Variants in FAM163A observed in about 807,000 individuals in gnomAD.
The protein encoded by FAM163A is family with sequence similarity 163 member A.
FAM163A carries 7 observed loss-of-function variants against 12.0 expected under a neutral mutation model. The observed-to-expected ratio is 0.58, with a 90% CI of 0.33 to 1.10. The LOEUF (loss-of-function observed/expected upper bound fraction) is 1.10. Among genes scored for constraint, FAM163A ranks in the 50% least tolerant of loss-of-function variants. FAM163A has a pLI of 0.03. For missense variants in FAM163A, 202 were observed against 218.6 expected, an observed-to-expected ratio of 0.92 and a Z score of 0.48; for synonymous variants, 101 against 91.0, an observed-to-expected ratio of 1.11 and a Z score of -0.62.
At position 179,813,799 on chromosome 1, in the gene FAM163A, C is replaced by A. The variant is rs778086353; in HGVS notation, c.114C>A (p.Ser38Arg). 11 of 1,613,840 alleles carry A rather than the reference C, an allele frequency of 6.8e-6. No individual in the cohort carries two copies. The South Asian group carries it at 1.2e-4, about 18-fold the overall frequency. The change falls in exon 5 of 5, where the codon AGC becomes AGA. Residue 38 changes from serine to arginine, a missense_variant. Physicochemically the swap from Ser to Arg is moderately radical, Grantham distance 110. Coordinates refer to ENST00000341785, the MANE Select transcript of FAM163A (RefSeq NM_173509.3). ...CACAGTATTACTGCTGCAAGAAGAG[C>A]GGAACCGAGGTTGCAGACGAGGAGG... ...CRLQYYCCKKSGTEVADEEEE... is the reference protein window; with the variant it reads ...CRLQYYCCKKRGTEVADEEEE...
At chr1:179,740,024 G>A (rs1053789477), upstream of FAM163A, among the ~76,000 whole-genome samples, 3 of 152,210 alleles carry the variant, frequency 2.0e-5, no homozygotes, top group African/African-American at 7.2e-5. Flanking sequence ...AACTAAGCAT[G>A]TGACTACCAT....
At chr1:179,803,047 T>C (rs1571560135) in intron 1 of FAM163A, among the ~76,000 whole-genome samples, 1 of 152,136 alleles carries the variant, frequency 6.6e-6, no homozygotes, top group East Asian at 1.9e-4. Flanking sequence ...GGGTCAGGAC[T>C]TTGTAATGGG....
At chr1:179,768,357 C>A (rs527745218) in intron 1 of FAM163A, among the ~76,000 whole-genome samples, 1 of 152,294 alleles carries the variant, frequency 6.6e-6, no homozygotes, top group South Asian at 2.1e-4. Flanking sequence ...ATAAGTGTGG[C>A]AATAATTGCT....
Position 179,763,202 on chromosome 1 carries a change from T to C in FAM163A, c.-136+19779T>C, listed in dbSNP as rs1687047103. ...CTCCATTAGTAAGACCTTCTCGTGA[T>C]TTAGCCATGCTTCTCTTCCTGCTAC... is the stretch of plus-strand genomic sequence containing the variant. On this transcript the variant is annotated intron_variant, in intron 1 of 4. Transcript: ENST00000341785. Among the ~76,000 whole-genome samples, 3 of 152,220 alleles carry C rather than the reference T, an allele frequency of 2.0e-5. No homozygotes were observed. The South Asian group carries it at 6.2e-4, about 32-fold the overall frequency.
At chr1:179,807,506 C>A (rs116666049) in intron 1 of FAM163A, among the ~76,000 whole-genome samples, 5,414 of 152,294 alleles carry the variant, frequency 0.036, 125 homozygotes, top group African/African-American at 0.058. Context: ...CTCGCCGTCA[C>A]CTCCCAGACA....
At chr1:179,755,640 G>GA (rs1685916920) in intron 1 of FAM163A, among the ~76,000 whole-genome samples, 1 of 152,174 alleles carries the variant, frequency 6.6e-6, no homozygotes, top group African/African-American at 2.4e-5. Context: ...TCTAATTCAG[G>GA]AAAACAGAAT....
intron 1 of FAM163A, among the ~76,000 whole-genome samples, chr1:179,764,657 G>C (rs1278825591): frequency 6.6e-6 from 1 of 152,178 alleles, no homozygotes; most frequent in East Asian, 1.9e-4. Flanking sequence ...TCGCCCTAGA[G>C]GTATGTAACT....
chr1:179,766,778 G>C (rs554101061), intron 1 of FAM163A, among the ~76,000 whole-genome samples: 1 of 150,202 alleles, frequency 6.7e-6, no homozygotes, highest in Non-Finnish European at 1.5e-5. Context: ...GTTTGGAGAC[G>C]TAGTTTTACT....
At chr1:179,795,958 C>CTATTATTAT (rs56872344) in intron 1 of FAM163A, among the ~76,000 whole-genome samples, 1,653 of 146,378 alleles carry the variant, frequency 0.011, 34 homozygotes, top group African/African-American at 0.04. Flanking sequence ...GAGTCTTTCT[C>CTATTATTAT]TATTATTATT....
At chr1:179,740,172 T>TTTG (rs58589037), upstream of FAM163A, among the ~76,000 whole-genome samples, 188 of 151,034 alleles carry the variant, frequency 1.2e-3, 1 homozygote, top group East Asian at 0.015. Flanking sequence ...TTATTTGGTT[T>TTTG]TTGTTGTTGT....
chr1:179,766,130 G>C (rs953708859), intron 1 of FAM163A, among the ~76,000 whole-genome samples: 8 of 152,254 alleles, frequency 5.3e-5, no homozygotes, highest in African/African-American at 1.9e-4. Context: ...CTACATTCCT[G>C]TCTCTCAGTC....
intron 1 of FAM163A, among the ~76,000 whole-genome samples, chr1:179,774,143 G>C (rs369810702): frequency 6.6e-6 from 1 of 152,220 alleles, no homozygotes; most frequent in Non-Finnish European, 1.5e-5. Context: ...GAACCTCACT[G>C]TGCCCCCATG....
chr1:179,754,299 G>A (rs1251642990), intron 1 of FAM163A, among the ~76,000 whole-genome samples: 8 of 152,184 alleles, frequency 5.3e-5, no homozygotes, highest in Middle Eastern at 3.4e-3. Flanking sequence ...AATCTCTTCT[G>A]ACCTTGCTTA....
In FAM163A at chr1:179,792,266, C is replaced by A. The variant is rs559518647; in HGVS notation, c.-135-15532C>A. Among the ~76,000 whole-genome samples, 17 of 150,366 alleles carry A rather than the reference C, an allele frequency of 1.1e-4. No homozygotes were observed. The South Asian group carries it at 3.6e-3, about 32-fold the overall frequency. On this transcript the variant is annotated intron_variant, in intron 1 of 4. Coordinates refer to ENST00000341785, the MANE Select transcript of FAM163A (RefSeq NM_173509.3). ...TCCTGAGTAGCTGGGACTACAGACACATGCCACCATATCTGATTGTGTGTG... is the reference window on the plus strand; with the variant it reads ...TCCTGAGTAGCTGGGACTACAGACAAATGCCACCATATCTGATTGTGTGTG...
intron 1 of FAM163A, among the ~76,000 whole-genome samples, chr1:179,793,948 T>C (rs1014101770): frequency 6.6e-6 from 1 of 152,190 alleles, no homozygotes; most frequent in African/African-American, 2.4e-5. Flanking sequence ...CCTTAAAGTC[T>C]CATCTGTGAG....
chr1:179,788,641 G>A (rs59047667), intron 1 of FAM163A, among the ~76,000 whole-genome samples: 3,923 of 152,298 alleles, frequency 0.026, 182 homozygotes, highest in African/African-American at 0.09. Flanking sequence ...TGTCTCCAAA[G>A]CGGGGAAAAT....
At chr1:179,795,881 G>A (rs868009861) in intron 1 of FAM163A, among the ~76,000 whole-genome samples, 13 of 151,232 alleles carry the variant, frequency 8.6e-5, no homozygotes, top group South Asian at 2.1e-4. Flanking sequence ...GAGTTCCTGC[G>A]TTGGCCATTC....
At chr1:179,790,824 T>A (rs1451660922) in intron 1 of FAM163A, among the ~76,000 whole-genome samples, 2 of 151,914 alleles carry the variant, frequency 1.3e-5, no homozygotes, top group Non-Finnish European at 2.9e-5. Flanking sequence ...CATTAGAGAA[T>A]GAGGACACAG....
chr1:179,797,873 G>A (rs1257705850), intron 1 of FAM163A, among the ~76,000 whole-genome samples: 1 of 152,118 alleles, frequency 6.6e-6, no homozygotes, highest in African/African-American at 2.4e-5. Flanking sequence ...ACCCCTATGT[G>A]GAATAGGAAC....
Sources: gnomAD v4.1 joint callset for allele counts (sites outside exome capture counted in the v4.1 genomes callset) on GRCh38, gnomAD v4.1.1 for gene constraint, MANE v1.5 for transcripts, NCBI Gene and HGNC (gene_info 2026-07-23, HGNC 2026-07-21) for gene names.